PTGER3: variants seen among roughly 807,000 people sequenced by gnomAD.
PTGER3 encodes the protein prostaglandin E2 receptor EP3 subtype.
Under a neutral mutation model 34.7 loss-of-function variants are expected in PTGER3, and 22 were observed. That is an observed-to-expected ratio of 0.63 (90% CI 0.45 to 0.91). The LOEUF (loss-of-function observed/expected upper bound fraction) is 0.91. Ranked by LOEUF, PTGER3 falls within the 40% of genes least tolerant of loss-of-function variation. The probability of loss-of-function intolerance (pLI) is 0.00; values close to 1 mark genes in which losing one functional copy is unlikely to be tolerated. For missense variants in PTGER3, 468 were observed against 519.4 expected (o/e 0.90, Z 0.96); for synonymous variants, 241 against 230.1 (o/e 1.05, Z -0.43).
Position 70,974,363 on chromosome 1 carries a change from G to A in PTGER3, c.1103C>T (p.Ala368Val). 1 of 1,183,162 alleles carries A rather than the reference G, an allele frequency of 8.5e-7. No individual in the cohort carries two copies. The highest frequency in any genetic ancestry group is 1.2e-5 in the South Asian group (1 of 82,494). The allele number at this position is 1,183,162 out of a possible 1,614,324, so 73.3% of individuals were successfully genotyped here. The part of the protein sequence containing the change: ...CQIRYHTNNY[A>V]SSSTSLPCQC... Reference sequence around the variant, plus strand: ...GCAGGGTAAGGAGGTGGAGCTGGATGCATAGTTGTTTGTGTGGTACCTGAT... The same window carrying A: ...GCAGGGTAAGGAGGTGGAGCTGGATACATAGTTGTTTGTGTGGTACCTGAT... The change falls in exon 3 of 4, where the codon GCA becomes GTA. Residue 368 changes from alanine to valine, a missense_variant. This residue lies in a region of PTGER3 where 57 missense variants were observed against 43.8 expected (regional missense o/e 1.30). Coordinates refer to ENST00000306666, the MANE Select transcript of PTGER3 (RefSeq NM_198719.2).
intron 4 of PTGER3, among the ~76,000 whole-genome samples, chr1:70,878,481 C>A (rs1249172627): frequency 2.0e-5 from 3 of 151,948 alleles, no homozygotes; most frequent in Non-Finnish European, 2.9e-5. Context: ...TCATTTTGCT[C>A]TAATTTTGGT....
chr1:70,879,124 A>G (rs1008832819), intron 4 of PTGER3, among the ~76,000 whole-genome samples: 13 of 152,094 alleles, frequency 8.5e-5, no homozygotes, highest in Non-Finnish European at 1.9e-4. Context: ...TAGGTCTGTA[A>G]GTATTTGCTT....
chr1:70,994,402 A>G (rs1655742114), intron 2 of PTGER3, among the ~76,000 whole-genome samples: 2 of 151,898 alleles, frequency 1.3e-5, no homozygotes, highest in Admixed American at 6.6e-5. Flanking sequence ...ATAGTTAACT[A>G]TTTACGGAAA....
intron 2 of PTGER3, among the ~76,000 whole-genome samples, chr1:70,995,031 T>C (rs1384543232): frequency 1.3e-5 from 2 of 152,022 alleles, no homozygotes; most frequent in Non-Finnish European, 2.9e-5. Context: ...CACTGTAATA[T>C]AAGTAGAGCA....
chr1:71,026,902 A>G (rs1380297518), intron 1 of PTGER3, among the ~76,000 whole-genome samples: 1 of 152,132 alleles, frequency 6.6e-6, no homozygotes, highest in African/African-American at 2.4e-5. Flanking sequence ...AAACATGAGG[A>G]AGAAACCTGT....
intron 4 of PTGER3, among the ~76,000 whole-genome samples, chr1:70,927,179 G>A (rs847708): frequency 9.3e-5 from 14 of 150,316 alleles, no homozygotes; most frequent in East Asian, 5.8e-4. Context: ...TTGGTATCAG[G>A]ATGATGCTGG....
At chr1:70,935,588 C>A (rs954520702) in intron 4 of PTGER3, among the ~76,000 whole-genome samples, 3 of 150,846 alleles carry the variant, frequency 2.0e-5, no homozygotes, top group African/African-American at 7.3e-5. Context: ...TTTGCTTTTA[C>A]TTAACAAATA....
chr1:70,854,070 T>C (rs1179744269), intron 4 of PTGER3, among the ~76,000 whole-genome samples: 1 of 152,158 alleles, frequency 6.6e-6, no homozygotes, highest in Non-Finnish European at 1.5e-5. Context: ...TGGCAATGTT[T>C]TCTTGGAGAT....
chr1:70,949,770 A>C (rs1222528658), downstream of PTGER3, among the ~76,000 whole-genome samples: 2 of 152,180 alleles, frequency 1.3e-5, no homozygotes, highest in African/African-American at 4.8e-5. Flanking sequence ...TATCCTGTCC[A>C]ATATGATTAC....
At chr1:70,968,091 T>C (rs1652713647), downstream of PTGER3, among the ~76,000 whole-genome samples, 1 of 151,912 alleles carries the variant, frequency 6.6e-6, no homozygotes, top group East Asian at 1.9e-4. Flanking sequence ...CACAGCTGAG[T>C]TTTTTGTTTA....
chr1:70,946,129 C>G (rs1211962409), intron 4 of PTGER3, among the ~76,000 whole-genome samples: 1 of 152,064 alleles, frequency 6.6e-6, no homozygotes, highest in Admixed American at 6.6e-5. Flanking sequence ...GAGGTGAAGT[C>G]CCTGAGGTCC....
chr1:70,913,052 A>G (rs929672658), intron 4 of PTGER3, among the ~76,000 whole-genome samples: 1 of 151,936 alleles, frequency 6.6e-6, no homozygotes, highest in Non-Finnish European at 1.5e-5. Context: ...TTTGTTTTAA[A>G]TTGCCTTGAA....
rs149219488 is a variant in PTGER3 at position 70,980,613 on chromosome 1, G to A, written c.1078-6225C>T. Among the ~76,000 whole-genome samples, 13 of 152,180 alleles carry A rather than the reference G, an allele frequency of 8.5e-5. No homozygotes were observed. The East Asian group carries it at 2.5e-3, about 29-fold the overall frequency. On this transcript the variant is annotated intron_variant, in intron 2 of 3. Coordinates refer to ENST00000306666, the MANE Select transcript of PTGER3 (RefSeq NM_198719.2). ...ATGGCACCAATGCACTCCAGCCTGGGTGACAGATCAAGACCCTGACTCTTA... is the reference window on the plus strand; with the variant it reads ...ATGGCACCAATGCACTCCAGCCTGGATGACAGATCAAGACCCTGACTCTTA...
intron 4 of PTGER3, among the ~76,000 whole-genome samples, chr1:70,922,664 T>G (rs546602857): frequency 2.0e-5 from 3 of 152,044 alleles, no homozygotes; most frequent in Non-Finnish European, 4.4e-5. Context: ...CACCATAACA[T>G]GTATCTGAGA....
At chr1:71,028,152 C>T (rs1243388237) in intron 1 of PTGER3, among the ~76,000 whole-genome samples, 1 of 152,142 alleles carries the variant, frequency 6.6e-6, no homozygotes, top group Non-Finnish European at 1.5e-5. Flanking sequence ...TCAGGGCTGA[C>T]CCCATCCCTA....
chr1:71,045,751 T>C (rs1017323384), intron 1 of PTGER3, among the ~76,000 whole-genome samples: 1 of 152,010 alleles, frequency 6.6e-6, no homozygotes, highest in Non-Finnish European at 1.5e-5. Context: ...GGTAAGTAAA[T>C]GCTGGCCTGA....
chr1:70,926,191 G>T (rs1267534105), intron 4 of PTGER3, among the ~76,000 whole-genome samples: 3 of 152,092 alleles, frequency 2.0e-5, no homozygotes, highest in Non-Finnish European at 4.4e-5. Context: ...AACTATTTAA[G>T]AGTAGTTTTT....
intron 2 of PTGER3, among the ~76,000 whole-genome samples, chr1:70,983,420 T>C (rs1654589128): frequency 6.6e-6 from 1 of 152,184 alleles, no homozygotes; most frequent in South Asian, 2.1e-4. Context: ...GTTTCTGCTC[T>C]ATGCCCACAT....
downstream of PTGER3, among the ~76,000 whole-genome samples, chr1:70,965,830 G>T (rs1368721381): frequency 6.6e-6 from 1 of 152,036 alleles, no homozygotes; most frequent in Non-Finnish European, 1.5e-5. Flanking sequence ...GCTCTTCCAG[G>T]ACCATAGGAT....
Sources: gnomAD v4.1 joint callset for allele counts (sites outside exome capture counted in the v4.1 genomes callset) on GRCh38, gnomAD v4.1.1 for gene constraint, gnomAD v4.1.1 regional missense constraint, MANE v1.5 for transcripts, NCBI Gene and HGNC (gene_info 2026-07-23, HGNC 2026-07-21) for gene names.